WNK2: variants seen among roughly 807,000 people sequenced by gnomAD.
WNK2 encodes WNK lysine deficient protein kinase 2, also known as serine/threonine-protein kinase WNK2.
In WNK2, 67 loss-of-function variants were observed where a neutral mutation model predicts 192.1. The ratio of observed to expected loss-of-function variants is 0.35; its 90% CI spans 0.29 to 0.43. The LOEUF is 0.43. WNK2 is among the 20% of genes least tolerant of loss of function. The pLI, the probability that WNK2 is intolerant of heterozygous loss-of-function variation, is 1.00. For missense variants in WNK2, 2,698 were observed against 3,089.7 expected, an observed-to-expected ratio of 0.87 and a Z score of 3.01; for synonymous variants, 1,439 against 1,393.9, an observed-to-expected ratio of 1.03 and a Z score of -0.72.
At chr9:93,258,812 A>T in intron 11 of WNK2, 119 bp from the exon 12 acceptor site, 1 of 849,490 alleles carries the variant, frequency 1.2e-6, no homozygotes, top group Admixed American at 2.6e-5. Flanking sequence ...GGAAAGGGTC[A>T]TGCTGTCTTC....
At chr9:93,312,996 T>C (rs1002521494) in intron 28 of WNK2, among the ~76,000 whole-genome samples, 1 of 152,236 alleles carries the variant, frequency 6.6e-6, no homozygotes, top group African/African-American at 2.4e-5. Flanking sequence ...ACCCCTCTAG[T>C]GAATTTGTAA....
At chr9:93,267,985 CAGTG>C in intron 17 of WNK2, 31 bp from the exon 18 acceptor site, 1 of 1,607,782 alleles carries the variant, frequency 6.2e-7, no homozygotes, top group South Asian at 1.1e-5. Flanking sequence ...CGCTGCAGCT[CAGTG>C]GGCTCATTTC....
At chr9:93,293,317 G>A in intron 23 of WNK2, 144 bp downstream of exon 23, 2 of 568,972 alleles carry the variant, frequency 3.5e-6, no homozygotes, top group Non-Finnish European at 5.5e-6. Context: ...GGGGAGTGAT[G>A]AAGGCTTTTT....
chr9:93,297,380 C>T lies in WNK2; in HGVS notation c.5709-473C>T, dbSNP rs375518529. On this transcript the variant is annotated intron_variant, in intron 23 of 29. Coordinates refer to ENST00000427277, the MANE Select transcript of WNK2 (RefSeq NM_006648.4). ...GGCATGGCCCCTGGAAGTCAGTGAGCGTCTCGCTGACTTCTTCATGCCGTG... is the reference window on the plus strand; with the variant it reads ...GGCATGGCCCCTGGAAGTCAGTGAGTGTCTCGCTGACTTCTTCATGCCGTG... 5.9e-5 allele frequency among the ~76,000 whole-genome samples: 9 copies of T among 152,296 alleles called. No homozygotes were observed. The South Asian group carries it at 6.2e-4, about 11-fold the overall frequency.
rs1850903965 is a variant in WNK2 at position 93,297,986 on chromosome 9, A to G, written c.5842A>G (p.Lys1948Glu). 2 of 1,563,860 alleles carry G rather than the reference A, an allele frequency of 1.3e-6. No individual in the cohort carries two copies. The highest frequency in any genetic ancestry group is 8.7e-7 in the Non-Finnish European group (1 of 1,155,262). ...HTAPPTGRRRKTSKSKLKAGK... is the reference protein window; with the variant it reads ...HTAPPTGRRRETSKSKLKAGK... ...GGCACCCCCCACTGGCCGCCGGAGA[A>G]AAACCAGCAAGAGCAAGCTGAAGGC... Residue 1948 changes from lysine to glutamate, a missense_variant, in exon 24 of 30, where the codon AAA (lysine) becomes GAA (glutamate). Transcript: ENST00000427277.
chr9:93,185,782 G>C (rs1343908214), intron 2 of WNK2, among the ~76,000 whole-genome samples, 172 bp downstream of exon 2: 1 of 152,232 alleles, frequency 6.6e-6, no homozygotes, highest in Non-Finnish European at 1.5e-5. Flanking sequence ...GTGTGCGGAC[G>C]GCATGTGGGG....
chr9:93,203,056 C>T (rs1232485670), intron 2 of WNK2, among the ~76,000 whole-genome samples: 1 of 150,596 alleles, frequency 6.6e-6, no homozygotes, highest in Non-Finnish European at 1.5e-5. Context: ...ATGGGATGCT[C>T]AGAGCCCCAC....
chr9:93,198,919 G>A (rs1315054475), intron 2 of WNK2, among the ~76,000 whole-genome samples: 1 of 152,196 alleles, frequency 6.6e-6, no homozygotes, highest in Non-Finnish European at 1.5e-5. Context: ...GCAGTCTCGA[G>A]CTCGGGGCCT....
In WNK2 at chr9:93,292,852, C is replaced by A. The variant is rs1480502923; in HGVS notation, c.5387C>A (p.Ser1796Tyr). 1.3e-6 allele frequency: 2 copies of A among 1,493,670 alleles called. No homozygotes were observed. Among genetic ancestry groups the A allele is most frequent in the East Asian group, 2.5e-5 (1 of 40,620 alleles). 92.5% of individuals were successfully genotyped at this position (1,493,670 alleles called of 1,614,324 possible). A position where few individuals can be genotyped will look rare whatever the true frequency, so the allele number is the denominator to read the frequency against. ...GTGCGGCGGGCGCAGACGGCCTCCT[C>A]CATCGAGGTCGGCGTGGGCGAGCCC... Reference protein sequence around the residue: ...LAVRRAQTASSIEVGVGEPVS... With the variant: ...LAVRRAQTASYIEVGVGEPVS... Residue 1796 changes from serine to tyrosine, a missense_variant, in exon 23 of 30, where the codon TCC becomes TAC. Physicochemically the swap from Ser to Tyr is moderately radical, Grantham distance 144. Around this residue, in one of 7 missense-constraint regions of WNK2, gnomAD observed 1,098 missense variants for 1,101.0 expected, o/e 1.00. Coordinates refer to ENST00000427277, the MANE Select transcript of WNK2 (RefSeq NM_006648.4).
chr9:93,264,090 G>A, intron 16 of WNK2, 57 bp downstream of exon 16: 1 of 1,330,936 alleles, frequency 7.5e-7, no homozygotes, highest in South Asian at 1.2e-5. Context: ...GTGTGGGCCT[G>A]AGCAGAGCGC....
At chr9:93,225,684 G>A (rs933356611) in intron 2 of WNK2, among the ~76,000 whole-genome samples, 1 of 152,208 alleles carries the variant, frequency 6.6e-6, no homozygotes, top group Non-Finnish European at 1.5e-5. Context: ...ACACGTTACT[G>A]TTGGTGCTAA....
Position 93,259,338 on chromosome 9 carries a change from C to A in WNK2, c.2790C>A (p.His930Gln). The change falls in exon 12 of 30, where the codon CAC becomes CAA. Residue 930 changes from histidine (H) to glutamine (Q), a missense_variant. This residue lies in a region of WNK2 where 893 missense variants were observed against 909.0 expected (regional missense o/e 0.98). Transcript: ENST00000427277. This position sits in a 1 kb window ranked among gnomAD's most constrained non-coding sequence, Gnocchi z 4.8. The part of the protein sequence containing the change: ...APTDVPPSPH[H>Q]TVQNMRATPP... ...CTGACGTCCCTCCTTCCCCCCATCACACGGTGCAGAATATGAGGGCCACCC... is the reference window on the plus strand; with the variant it reads ...CTGACGTCCCTCCTTCCCCCCATCAAACGGTGCAGAATATGAGGGCCACCC... 2 of 1,613,472 alleles carry A rather than the reference C, an allele frequency of 1.2e-6. No individual in the cohort carries two copies. Among genetic ancestry groups the A allele is most frequent in the Non-Finnish European group, 1.7e-6 (2 of 1,179,714 alleles).
intron 26 of WNK2, 199 bp from the exon 27 acceptor site, chr9:93,306,577 CG>C: frequency 1.1e-5 from 7 of 626,940 alleles, no homozygotes; most frequent in Non-Finnish European, 2.0e-5. Context: ...TCTGCCCCCT[CG>C]GCGAAGCTCG....
chr9:93,257,186 C>T lies in WNK2; in HGVS notation c.2382+47C>T. On this transcript the variant is annotated intron_variant, in intron 11 of 29. Coordinates refer to ENST00000427277, the MANE Select transcript of WNK2 (RefSeq NM_006648.4). This position sits in a 1 kb window ranked among gnomAD's most constrained non-coding sequence, Gnocchi z 4.7. Reference sequence around the variant, plus strand: ...CCGTCAGTGGTGGCGCACGCTTTGCCAGGCCCTGGCTGGTGCACTAGGACA... The same window carrying T: ...CCGTCAGTGGTGGCGCACGCTTTGCTAGGCCCTGGCTGGTGCACTAGGACA... The T allele has an allele frequency of 6.4e-7, 1 of 1,571,780 alleles. No individual in the cohort carries two copies. Among genetic ancestry groups the T allele is most frequent in the Non-Finnish European group, 8.6e-7 (1 of 1,164,332 alleles).
chr9:93,273,020 A>G lies in WNK2; in HGVS notation c.4033+4274A>G, dbSNP rs75451371. Among the ~76,000 whole-genome samples the G allele has an allele frequency of 9.9e-3, 1,508 of 152,348 alleles. 30 individuals are homozygous for G. The highest frequency in any genetic ancestry group is 0.048 in the East Asian group (250 of 5,190). Reference sequence around the variant, plus strand: ...ACAATACTGATGAACTGAAAGGTCAAAAGAAAAAGGATGGTGAAAGACAGA... The same window carrying G: ...ACAATACTGATGAACTGAAAGGTCAGAAGAAAAAGGATGGTGAAAGACAGA... On this transcript the variant is annotated intron_variant, in intron 19 of 29. Coordinates refer to ENST00000427277, the MANE Select transcript of WNK2 (RefSeq NM_006648.4).
At chr9:93,280,266 AG>A (rs1016220079) in intron 19 of WNK2, among the ~76,000 whole-genome samples, 16 of 152,196 alleles carry the variant, frequency 1.1e-4, no homozygotes, top group Admixed American at 6.5e-5. Context: ...TGGATGCCAA[AG>A]GGGTGTATGA....
At position 93,298,254 on chromosome 9, in the gene WNK2, G is replaced by A. The variant is rs564368338; in HGVS notation, c.5923+187G>A. Among the ~76,000 whole-genome samples, 4 of 152,332 alleles carry A rather than the reference G, an allele frequency of 2.6e-5. No individual in the cohort carries two copies. The South Asian group carries it at 6.2e-4, about 24-fold the overall frequency. ...AGCATGAAGGCAGCCCTGGTCCTCC[G>A]TCCTCATGCAGAGAGGCAAGGCCCG... On this transcript the variant is annotated intron_variant, in intron 24 of 29. Coordinates refer to ENST00000427277, the MANE Select transcript of WNK2 (RefSeq NM_006648.4).
chr9:93,289,557 C>G lies in WNK2; in HGVS notation c.4803C>G (p.Asp1601Glu), dbSNP rs7855532. The G allele has an allele frequency of 6.4e-7, 1 of 1,553,374 alleles. No homozygotes were observed. The highest frequency in any genetic ancestry group is 8.7e-7 in the Non-Finnish European group (1 of 1,148,720). Residue 1601 changes from aspartate (D) to glutamate (E), a missense_variant, in exon 20 of 30, where the codon GAC becomes GAG. By Grantham distance (45) the Asp-to-Glu change is conservative. Around this residue, in one of 7 missense-constraint regions of WNK2, gnomAD observed 1,098 missense variants for 1,101.0 expected, o/e 1.00. Coordinates refer to ENST00000427277, the MANE Select transcript of WNK2 (RefSeq NM_006648.4). ...DQPRSEVCGG[D>E]LALPPVPKEA... ...CCCGCTCAGAGGTCTGCGGGGGGGACCTGGCCCTGCCCCCAGTGCCTAAGG... is the reference window on the plus strand; with the variant it reads ...CCCGCTCAGAGGTCTGCGGGGGGGAGCTGGCCCTGCCCCCAGTGCCTAAGG...
intron 9 of WNK2, among the ~76,000 whole-genome samples, chr9:93,255,570 A>G (rs1188405412): frequency 6.6e-6 from 1 of 152,030 alleles, no homozygotes; most frequent in Non-Finnish European, 1.5e-5. Context: ...GCATGCCATC[A>G]CTCACGTGAT....
Sources: gnomAD v4.1 joint callset for allele counts (sites outside exome capture counted in the v4.1 genomes callset) on GRCh38, gnomAD v4.1.1 for gene constraint, gnomAD v4.1.1 regional missense constraint, Gnocchi (gnomAD v3.1) non-coding constraint, MANE v1.5 for transcripts, NCBI Gene and HGNC (gene_info 2026-07-23, HGNC 2026-07-21) for gene names.